STK26: variants seen among roughly 807,000 people sequenced by gnomAD.
STK26 encodes serine/threonine-protein kinase 26.
In STK26, 14 loss-of-function variants were observed where a neutral mutation model predicts 34.7. That is an observed-to-expected ratio of 0.40 (90% CI 0.27 to 0.63). STK26 has a LOEUF of 0.63. STK26 is among the 30% of genes least tolerant of loss of function. The pLI, the probability that STK26 is intolerant of heterozygous loss-of-function variation, is 0.38. For missense variants in STK26, 226 were observed against 309.1 expected (o/e 0.73, Z 2.02); for synonymous variants, 100 against 109.8 (o/e 0.91, Z 0.56).
At chrX:132,073,552 G>A (rs1361180403) in intron 11 of STK26, among the ~76,000 whole-genome samples, 1 of 111,680 alleles carries the variant, frequency 9.0e-6, no homozygotes, top group Non-Finnish European at 1.9e-5. Context: ...ACCAAAAAAG[G>A]GCTCTTATGT....
chrX:132,052,209 G>C (rs1926717189), intron 2 of STK26, among the ~76,000 whole-genome samples: 1 of 111,306 alleles, frequency 9.0e-6, no homozygotes, highest in African/African-American at 3.3e-5. Flanking sequence ...AAGGAAACCT[G>C]TCTTAATAAA....
chrX:132,030,432 CAT>C (rs1042482745), intron 2 of STK26, among the ~76,000 whole-genome samples: 6 of 111,012 alleles, frequency 5.4e-5, no homozygotes, highest in African/African-American at 2.0e-4. Context: ...AAAAAACAAA[CAT>C]AAATAAAAAA....
At chrX:132,044,492 G>T (rs994537554) in intron 2 of STK26, among the ~76,000 whole-genome samples, 1 of 108,223 alleles carries the variant, frequency 9.2e-6, no homozygotes. Flanking sequence ...TTTAAAAATA[G>T]AGTCATTTCC....
At chrX:132,065,569 T>C (rs983119881) in intron 4 of STK26, among the ~76,000 whole-genome samples, 4 of 112,162 alleles carry the variant, frequency 3.6e-5, no homozygotes, top group African/African-American at 1.3e-4. Context: ...AGTTAAATGA[T>C]TGTGAGATCT....
intron 3 of STK26, among the ~76,000 whole-genome samples, chrX:132,059,465 A>G (rs1276012324): frequency 2.7e-5 from 3 of 112,300 alleles, no homozygotes; most frequent in African/African-American, 9.7e-5. Context: ...ATTTTTGAAA[A>G]CAAGAGTTAA....
chrX:132,074,229 A>G lies in STK26; in HGVS notation c.*70A>G, dbSNP rs1927523613. ...CACCAAACCTACGTCAAGATTAACA[A>G]TGCTTAACCCATGAGCTCCATGTGC... On this transcript the variant is annotated 3_prime_UTR_variant, in exon 12 of 12. Coordinates refer to ENST00000394334, the MANE Select transcript of STK26 (RefSeq NM_016542.4). 5 of 1,054,217 alleles carry G rather than the reference A, an allele frequency of 4.7e-6. No homozygotes were observed. The highest frequency in any genetic ancestry group is 3.1e-5 in the East Asian group (1 of 32,353). The allele number at this position is 1,054,217 out of a possible 1,213,427, so 86.9% of individuals were successfully genotyped here.
chrX:132,051,896 T>C (rs1237998793), intron 2 of STK26, among the ~76,000 whole-genome samples: 1 of 110,818 alleles, frequency 9.0e-6, no homozygotes, highest in Non-Finnish European at 1.9e-5. Context: ...GTTTCCAGTT[T>C]CATCCATGTC....
intron 3 of STK26, among the ~76,000 whole-genome samples, chrX:132,058,313 T>C (rs1190464666): frequency 9.1e-6 from 1 of 110,162 alleles, no homozygotes; most frequent in African/African-American, 3.3e-5. Context: ...TGGTTTACTC[T>C]TTCTGGACTG....
chrX:132,072,895 C>T lies in STK26; in HGVS notation c.1089+20C>T. On this transcript the variant is annotated intron_variant, in intron 10 of 11. Coordinates refer to ENST00000394334, the MANE Select transcript of STK26 (RefSeq NM_016542.4). ...GCTGAAGTAAGTACAGATTAATTAG[C>T]CTTGGATATCTGTGTTAAGTAGTAT... 8.3e-7 allele frequency: 1 copy of T among 1,205,598 alleles called. No homozygotes were observed. Among genetic ancestry groups the T allele is most frequent in the Non-Finnish European group, 1.1e-6 (1 of 890,571 alleles).
chrX:132,029,442 G>A (rs894325185), intron 2 of STK26, among the ~76,000 whole-genome samples: 3 of 110,843 alleles, frequency 2.7e-5, no homozygotes, highest in Non-Finnish European at 5.7e-5. Flanking sequence ...TGTATGGGGG[G>A]CAGTTCATCC....
chrX:132,032,163 C>T (rs1393449729), intron 2 of STK26, among the ~76,000 whole-genome samples: 2 of 111,769 alleles, frequency 1.8e-5, no homozygotes, highest in Non-Finnish European at 3.8e-5. Flanking sequence ...TGACAGCAGC[C>T]TGCTGGCCTT....
Position 132,073,047 on chromosome X carries a change from G to A in STK26, c.1180G>A (p.Gly394Ser), listed in dbSNP as rs913623944. ...TGCTGTGGCTGAAGCCGCCTGTCCC[G>A]GCATCACAGATAAAATGGTGAAGAA... ...SIAVAEAACP[G>S]ITDKMVKKLI... Residue 394 changes from glycine (G) to serine (S), a missense_variant, in exon 11 of 12, where the codon GGC becomes AGC. Transcript: ENST00000394334. The A allele has an allele frequency of 1.2e-5, 14 of 1,203,348 alleles. No individual in the cohort carries two copies. The highest frequency in any genetic ancestry group is 6.7e-5 in the Admixed American group (3 of 44,497).
chrX:132,023,969 T>TG lies in STK26; in HGVS notation c.42+317dup, dbSNP rs771615820. Among the ~76,000 whole-genome samples, 295 of 110,279 alleles carry TG rather than the reference T, an allele frequency of 2.7e-3. 1 individual carries two copies. The highest frequency in any genetic ancestry group is 9.1e-3 in the African/African-American group (275 of 30,247). ...CTGCTGAGCTTGGCACGGTTGGGGATGGGGGGGCGGAACTTAACCTGGGAG... is the reference window on the plus strand; with the variant it reads ...CTGCTGAGCTTGGCACGGTTGGGGATGGGGGGGGCGGAACTTAACCTGGGAG... On this transcript the variant is annotated intron_variant, in intron 2 of 11. Transcript: ENST00000394334.
At chrX:132,072,407 A>G in intron 9 of STK26, 46 bp downstream of exon 9, 6 of 1,059,714 alleles carry the variant, frequency 5.7e-6, no homozygotes, top group Non-Finnish European at 7.9e-6. Flanking sequence ...AGTTTTTCAA[A>G]CCATGTAGTG....
At chrX:132,048,289 T>A (rs1433512140) in intron 2 of STK26, among the ~76,000 whole-genome samples, 1 of 112,000 alleles carries the variant, frequency 8.9e-6, no homozygotes, top group Non-Finnish European at 1.9e-5. Flanking sequence ...TATAGAAAAG[T>A]CCTATTTTAA....
chrX:132,056,103 T>A (rs1214099589), intron 3 of STK26, among the ~76,000 whole-genome samples: 2 of 112,653 alleles, frequency 1.8e-5, no homozygotes, highest in African/African-American at 6.5e-5. Flanking sequence ...TTGCTGAGCT[T>A]CCTTGACACA....
At chrX:132,027,775 G>T (rs895332724) in intron 2 of STK26, among the ~76,000 whole-genome samples, 1 of 111,682 alleles carries the variant, frequency 9.0e-6, no homozygotes, top group Non-Finnish European at 1.9e-5. Flanking sequence ...TATCGAAAGA[G>T]AAATCTCAAA....
intron 2 of STK26, among the ~76,000 whole-genome samples, chrX:132,052,094 G>A (rs900096475): frequency 9.1e-6 from 1 of 110,325 alleles, no homozygotes; most frequent in African/African-American, 3.3e-5. Flanking sequence ...AGAATGATGG[G>A]AATGATTAGG....
intron 2 of STK26, among the ~76,000 whole-genome samples, chrX:132,043,879 C>T (rs912890339): frequency 1.8e-5 from 2 of 111,311 alleles, no homozygotes; most frequent in South Asian, 3.8e-4. Context: ...CGTATTCTTT[C>T]GAGAATTGCT....
Sources: allele counts gnomAD v4.1 joint callset (sites outside exome capture counted in the v4.1 genomes callset), GRCh38; gene constraint gnomAD v4.1.1; transcripts MANE v1.5; gene names NCBI Gene and HGNC (gene_info 2026-07-23, HGNC 2026-07-21).